ATP11A: variants seen among roughly 807,000 people sequenced by gnomAD.
ATP11A encodes phospholipid-transporting ATPase IH.
ATP11A carries 81 observed loss-of-function variants against 154.4 expected under a neutral mutation model. The observed-to-expected ratio is 0.52, with a 90% confidence interval of 0.44 to 0.63. ATP11A has a LOEUF of 0.63. Among genes scored for constraint, ATP11A ranks in the 30% least tolerant of loss-of-function variants. The pLI is 0.00. For synonymous variants in ATP11A, 623 were observed against 585.9 expected (o/e 1.06, Z -0.91); for missense variants, 1,316 against 1,474.3 (o/e 0.89, Z 1.76).
intron 17 of ATP11A, among the ~76,000 whole-genome samples, chr13:112,842,741 G>A (rs2079459297): frequency 6.6e-6 from 1 of 152,284 alleles, no homozygotes; most frequent in Non-Finnish European, 1.5e-5. Flanking sequence ...GACGTTTCTA[G>A]TGATTTGCTT....
rs149163162 is a variant in ATP11A at position 112,712,253 on chromosome 13, C to T, written c.39+21798C>T. Among the ~76,000 whole-genome samples the T allele has an allele frequency of 2.0e-3, 297 of 152,216 alleles. 3 individuals are homozygous for T. The highest frequency in any genetic ancestry group is 0.017 in the Middle Eastern group (5 of 294). On this transcript the variant is annotated intron_variant, in intron 1 of 29. Transcript: ENST00000375645. ...GGAGTAAACAATGTGGTGGTGCCCACGGGGGAAGAGCAGCTTAATTATGCA... is the reference window on the plus strand; with the variant it reads ...GGAGTAAACAATGTGGTGGTGCCCATGGGGGAAGAGCAGCTTAATTATGCA...
intron 1 of ATP11A, among the ~76,000 whole-genome samples, chr13:112,733,298 G>A (rs1034082115): frequency 4.6e-5 from 7 of 152,284 alleles, no homozygotes; most frequent in South Asian, 2.1e-4. Context: ...GGATTCAGGC[G>A]CACTGAGCAT....
intron 29 of ATP11A, among the ~76,000 whole-genome samples, chr13:112,879,049 T>C (rs972039044): frequency 3.9e-5 from 6 of 152,388 alleles, no homozygotes; most frequent in Non-Finnish European, 7.3e-5. Context: ...GTGGTGTCCA[T>C]GATAAGAGCC....
At chr13:112,799,498 C>T (rs943901155) in intron 2 of ATP11A, among the ~76,000 whole-genome samples, 6 of 144,996 alleles carry the variant, frequency 4.1e-5, no homozygotes, top group East Asian at 4.4e-4. Flanking sequence ...TGGGCAGGGG[C>T]GGGGGTCACA....
At chr13:112,738,739 G>A (rs1005693066) in intron 1 of ATP11A, among the ~76,000 whole-genome samples, 1 of 148,720 alleles carries the variant, frequency 6.7e-6, no homozygotes, top group African/African-American at 2.5e-5. Flanking sequence ...CCTCCCCCAG[G>A]TCCCAGCCGT....
intron 17 of ATP11A, among the ~76,000 whole-genome samples, chr13:112,845,935 C>T (rs1486384474): frequency 6.6e-6 from 1 of 152,194 alleles, no homozygotes; most frequent in African/African-American, 2.4e-5. Context: ...TTTCTTGATT[C>T]TTCCGCCTGT....
chr13:112,745,896 G>A, intron 1 of ATP11A: 1 of 152,300 alleles, frequency 6.6e-6, no homozygotes, highest in Non-Finnish European at 1.5e-5. Flanking sequence ...GCAAAACTCA[G>A]CCTCTGGGCC....
chr13:112,841,871 T>C (rs1377114973), intron 16 of ATP11A, among the ~76,000 whole-genome samples: 1 of 152,266 alleles, frequency 6.6e-6, no homozygotes, highest in Non-Finnish European at 1.5e-5. Context: ...CCGGCTGCCT[T>C]GCTCTGCATG....
At chr13:112,809,936 C>T (rs565190434) in intron 4 of ATP11A, among the ~76,000 whole-genome samples, 2 of 152,338 alleles carry the variant, frequency 1.3e-5, no homozygotes, top group Admixed American at 6.5e-5. Context: ...GGTCCGTCAG[C>T]GCGGCCGGGG....
Position 112,882,683 on chromosome 13 carries a change from C to A in ATP11A, c.*817C>A, listed in dbSNP as rs1373377454. ...AGTGCCACGTGGGAGGACAAGGCCA[C>A]GCCGGCAGCTTCCAGCCCTGCCGCA... On this transcript the variant is annotated 3_prime_UTR_variant, in exon 30 of 30. Coordinates refer to ENST00000375645, the MANE Select transcript of ATP11A (RefSeq NM_015205.3). This position sits in a 1 kb window ranked among gnomAD's most constrained non-coding sequence, Gnocchi z 5.1. 2 of 399,864 alleles carry A rather than the reference C, an allele frequency of 5.0e-6. No individual in the cohort carries two copies. Among genetic ancestry groups the A allele is most frequent in the Non-Finnish European group, 8.8e-6 (2 of 227,154 alleles). 24.8% of individuals were successfully genotyped at this position (399,864 alleles called of 1,614,324 possible). A position where few individuals can be genotyped will look rare whatever the true frequency, so the allele number is the denominator to read the frequency against.
chr13:112,815,596 C>T (rs988772363), intron 5 of ATP11A, among the ~76,000 whole-genome samples: 1 of 152,214 alleles, frequency 6.6e-6, no homozygotes, highest in African/African-American at 2.4e-5. Flanking sequence ...ATTAAAAACC[C>T]ACATGATCAA....
chr13:112,747,904 T>G (rs1349185902), intron 1 of ATP11A, among the ~76,000 whole-genome samples: 1 of 151,758 alleles, frequency 6.6e-6, no homozygotes, highest in East Asian at 1.9e-4. Context: ...AAGGCAAAAT[T>G]GAAGGGATGG....
chr13:112,770,323 C>G (rs1451879536), intron 1 of ATP11A, among the ~76,000 whole-genome samples: 1 of 152,180 alleles, frequency 6.6e-6, no homozygotes, highest in Non-Finnish European at 1.5e-5. Context: ...CATTGTGACC[C>G]AAGTGATTTT....
intron 1 of ATP11A, among the ~76,000 whole-genome samples, chr13:112,704,070 A>G (rs776434828): frequency 6.6e-6 from 1 of 152,210 alleles, no homozygotes; most frequent in Non-Finnish European, 1.5e-5. Flanking sequence ...AGGTCAGAAC[A>G]ATGGGATACG....
intron 1 of ATP11A, among the ~76,000 whole-genome samples, chr13:112,693,234 T>G (rs922869573): frequency 6.6e-6 from 1 of 152,154 alleles, no homozygotes; most frequent in African/African-American, 2.4e-5. Flanking sequence ...CAGAGATACT[T>G]TGTATTTGTA....
chr13:112,821,430 C>G (rs946009427), intron 8 of ATP11A, among the ~76,000 whole-genome samples: 9 of 152,296 alleles, frequency 5.9e-5, no homozygotes, highest in Non-Finnish European at 1.3e-4. Flanking sequence ...TCTCCTGCCT[C>G]AGCTTCCTGA....
Position 112,690,487 on chromosome 13 carries a change from G to C in ATP11A, c.39+32G>C. ...GCTCCCGGCGCGGGCTGGGGGACCC[G>C]GGGACCAGACAGACGCGGGCCGGCC... On this transcript the variant is annotated intron_variant, in intron 1 of 29. Coordinates refer to ENST00000375645, the MANE Select transcript of ATP11A (RefSeq NM_015205.3). This position sits in a 1 kb window ranked among gnomAD's most constrained non-coding sequence, Gnocchi z 5.6. The C allele has an allele frequency of 1.5e-6, 2 of 1,319,116 alleles. No individual in the cohort carries two copies. The highest frequency in any genetic ancestry group is 1.9e-6 in the Non-Finnish European group (2 of 1,033,180). 81.7% of individuals were successfully genotyped at this position (1,319,116 alleles called of 1,614,324 possible). A position where few individuals can be genotyped will look rare whatever the true frequency, so the allele number is the denominator to read the frequency against.
chr13:112,856,220 T>C, intron 20 of ATP11A, 135 bp downstream of exon 20: 1 of 883,722 alleles, frequency 1.1e-6, no homozygotes, highest in South Asian at 1.9e-5. Context: ...GCAACCGTGA[T>C]AGAGATTTAA....
rs752779174 is a variant in ATP11A, at chr13:112,873,610, AT to A, written c.3099del (p.Phe1033LeufsTer20). 1 of 1,611,300 alleles carries A rather than the reference AT, an allele frequency of 6.2e-7. No individual in the cohort carries two copies. Among genetic ancestry groups the A allele is most frequent in the South Asian group, 1.1e-5 (1 of 90,734 alleles). ...LDTHYWTWINHFVIWGSLLFY... is the reference protein window; with the variant it reads ...LDTHYWTWINXFVIWGSLLFY... Reference sequence around the variant, plus strand: ...ACACACTACTGGACTTGGATCAACCATTTTGTCATCTGGGGGTCGCTGCTGT... The same window carrying A: ...ACACACTACTGGACTTGGATCAACCATTTGTCATCTGGGGGTCGCTGCTGT... On this transcript the variant is annotated frameshift_variant, in exon 27 of 30. Coordinates refer to ENST00000375645, the MANE Select transcript of ATP11A (RefSeq NM_015205.3).
Sources: gnomAD v4.1 joint callset for allele counts (sites outside exome capture counted in the v4.1 genomes callset) on GRCh38, gnomAD v4.1.1 for gene constraint, Gnocchi (gnomAD v3.1) non-coding constraint, MANE v1.5 for transcripts, NCBI Gene and HGNC (gene_info 2026-07-23, HGNC 2026-07-21) for gene names.